Variants in KHDRBS2 observed in about 807,000 individuals in gnomAD.
The protein encoded by KHDRBS2 is KH RNA binding domain containing, signal transduction associated 2.
In KHDRBS2, 26 loss-of-function variants were observed where a neutral mutation model predicts 44.3. The ratio of observed to expected loss-of-function variants is 0.59; its 90% CI spans 0.43 to 0.81. KHDRBS2 has a LOEUF of 0.81. Among genes scored for constraint, KHDRBS2 ranks in the 40% least tolerant of loss-of-function variants. KHDRBS2 has a pLI of 0.00. For missense variants in KHDRBS2, 476 were observed against 433.1 expected, an observed-to-expected ratio of 1.10 and a Z score of -0.88; for synonymous variants, 194 against 151.1, an observed-to-expected ratio of 1.28 and a Z score of -2.08.
At chr6:61,782,732 T>A (rs1174450616) in intron 6 of KHDRBS2, among the ~76,000 whole-genome samples, 1 of 99,606 alleles carries the variant, frequency 1.0e-5, no homozygotes, top group Non-Finnish European at 2.3e-5. Context: ...TATATATATA[T>A]ATATATACAC....
chr6:61,697,171 G>C, intron 8 of KHDRBS2, 24 bp downstream of exon 8: 2 of 1,488,912 alleles, frequency 1.3e-6, no homozygotes, highest in Non-Finnish European at 9.4e-7. Context: ...CGATTTCACA[G>C]TTTTAGTAAA....
At chr6:62,030,451 T>G (rs2127291846) in intron 3 of KHDRBS2, among the ~76,000 whole-genome samples, 1 of 152,182 alleles carries the variant, frequency 6.6e-6, no homozygotes. Flanking sequence ...TTCATTTTTC[T>G]AATAAATCTA....
chr6:62,054,949 A>G (rs1441424456), intron 2 of KHDRBS2, among the ~76,000 whole-genome samples: 1 of 152,090 alleles, frequency 6.6e-6, no homozygotes, highest in Admixed American at 6.6e-5. Context: ...TAGGCTATCC[A>G]TAGTAAGAGA....
intron 6 of KHDRBS2, among the ~76,000 whole-genome samples, chr6:61,855,411 T>A (rs747782244): frequency 2.6e-5 from 4 of 151,838 alleles, no homozygotes; most frequent in Non-Finnish European, 5.9e-5. Context: ...AGCTTTTCCA[T>A]CTGTAAAATG....
chr6:61,956,947 G>A (rs1346302607), intron 4 of KHDRBS2, among the ~76,000 whole-genome samples: 1 of 108,778 alleles, frequency 9.2e-6, no homozygotes, highest in Non-Finnish European at 1.9e-5. Flanking sequence ...ATCATCTGTT[G>A]TGGGAAGTCA....
intron 2 of KHDRBS2, among the ~76,000 whole-genome samples, chr6:62,063,023 A>C (rs1447383598): frequency 6.6e-6 from 1 of 150,528 alleles, no homozygotes; most frequent in African/African-American, 2.4e-5. Context: ...AAACTAGAAA[A>C]TCTAGAAGAA....
chr6:61,723,409 T>C (rs1773026003), intron 7 of KHDRBS2, among the ~76,000 whole-genome samples: 2 of 152,034 alleles, frequency 1.3e-5, no homozygotes, highest in Admixed American at 1.3e-4. Context: ...AGAAGTAGAC[T>C]TCAGAAGGTA....
chr6:61,731,695 T>G (rs998749691), intron 7 of KHDRBS2, among the ~76,000 whole-genome samples: 14 of 152,106 alleles, frequency 9.2e-5, no homozygotes, highest in African/African-American at 2.9e-4. Context: ...TTTGCAACAG[T>G]AAGTTCCATT....
rs143481703 is a variant in KHDRBS2, at chr6:62,259,058, G to A, written c.91+26800C>T. ...ACCAGTCTTGTGCTCTAATAGATAA[G>A]GAAGCAAAAGAGGATGTATTTCAAA... On this transcript the variant is annotated intron_variant, in intron 1 of 8. Coordinates refer to ENST00000281156, the MANE Select transcript of KHDRBS2 (RefSeq NM_152688.4). 2.5e-3 allele frequency among the ~76,000 whole-genome samples: 386 copies of A among 152,118 alleles called. 3 individuals carry two copies. Among genetic ancestry groups the A allele is most frequent in the African/African-American group, 8.5e-3 (353 of 41,518 alleles).
the KHDRBS2 span, among the ~76,000 whole-genome samples, chr6:61,637,496 G>A: frequency 3.3e-5 from 5 of 152,052 alleles, no homozygotes; most frequent in African/African-American, 9.7e-5. Context: ...ATAAACATAT[G>A]TGTGCGTGTG....
chr6:61,864,963 G>T (rs1797566026), intron 6 of KHDRBS2, among the ~76,000 whole-genome samples: 1 of 152,070 alleles, frequency 6.6e-6, no homozygotes, highest in African/African-American at 2.4e-5. Context: ...AAGAGGTTTT[G>T]TTCATTCCTT....
intron 6 of KHDRBS2, among the ~76,000 whole-genome samples, chr6:61,752,853 T>A (rs1777919984): frequency 6.6e-6 from 1 of 151,982 alleles, no homozygotes; most frequent in Non-Finnish European, 1.5e-5. Flanking sequence ...GGGGTCGGTA[T>A]GTAAGTTGTA....
At chr6:62,040,056 G>A (rs1032449759) in intron 3 of KHDRBS2, among the ~76,000 whole-genome samples, 17 of 151,978 alleles carry the variant, frequency 1.1e-4, no homozygotes, top group South Asian at 2.1e-4. Flanking sequence ...CTCATAAAAC[G>A]TCTCTACCAA....
In KHDRBS2 at chr6:61,795,144, CAAAAAAAA is replaced by C. The variant is rs1166333660; in HGVS notation, c.811-62388_811-62381del. On this transcript the variant is annotated intron_variant, in intron 6 of 8. Transcript: ENST00000281156. Reference sequence around the variant, plus strand: ...CTGGCAACAGAGCGAGACTCCGTCTCAAAAAAAAAAAAAAAAAAAAAAAAAAGAAAAAC... The same window carrying C: ...CTGGCAACAGAGCGAGACTCCGTCTCAAAAAAAAAAAAAAAAAAGAAAAAC... Among the ~76,000 whole-genome samples, 19 of 59,666 alleles carry C rather than the reference CAAAAAAAA, an allele frequency of 3.2e-4. No homozygotes were observed. In the East Asian group the frequency reaches 4.0e-3, roughly 13 times the overall value. The allele number at this position is 59,666 out of a possible 152,430, so 39.1% of individuals were successfully genotyped here.
At chr6:62,124,816 C>T (rs1480494793) in intron 2 of KHDRBS2, among the ~76,000 whole-genome samples, 1 of 152,168 alleles carries the variant, frequency 6.6e-6, no homozygotes, top group Non-Finnish European at 1.5e-5. Flanking sequence ...AATCTCCATA[C>T]TGTCTTCCAT....
In KHDRBS2 at chr6:61,756,264, A is replaced by AT. The variant is rs372772533; in HGVS notation, c.811-23501dup. Among the ~76,000 whole-genome samples the AT allele has an allele frequency of 1.8e-3, 264 of 149,782 alleles. 1 individual carries two copies. The highest frequency in any genetic ancestry group is 2.7e-3 in the Non-Finnish European group (181 of 67,232). ...ATTATTAATTTTATTTAATTAATTT[A>AT]TTTTTTTTTTGAGATGGAATCCCGC... On this transcript the variant is annotated intron_variant, in intron 6 of 8. Transcript: ENST00000281156.
chr6:62,042,264 A>T (rs1011953424), intron 3 of KHDRBS2, among the ~76,000 whole-genome samples: 1 of 152,138 alleles, frequency 6.6e-6, no homozygotes, highest in African/African-American at 2.4e-5. Flanking sequence ...TATATTTTAT[A>T]ATACTCTGCT....
intron 6 of KHDRBS2, among the ~76,000 whole-genome samples, chr6:61,787,839 A>G (rs1455852452): frequency 1.3e-5 from 2 of 151,650 alleles, no homozygotes; most frequent in Non-Finnish European, 3.0e-5. Flanking sequence ...GCATTTTAAC[A>G]GTAAAAGTTT....
intron 4 of KHDRBS2, among the ~76,000 whole-genome samples, chr6:61,951,031 G>A (rs568719941): frequency 6.6e-6 from 1 of 152,002 alleles, no homozygotes; most frequent in East Asian, 1.9e-4. Context: ...GAGATGGAAT[G>A]GAGATTGGCT....
Sources: allele counts gnomAD v4.1 joint callset (sites outside exome capture counted in the v4.1 genomes callset), GRCh38; gene constraint gnomAD v4.1.1; transcripts MANE v1.5; gene names NCBI Gene and HGNC (gene_info 2026-07-23, HGNC 2026-07-21).